KCNQ1: variants seen among roughly 807,000 people sequenced by gnomAD.
KCNQ1 encodes the protein potassium voltage-gated channel subfamily KQT member 1.
In KCNQ1, 49 loss-of-function variants were observed where a neutral mutation model predicts 72.4. That is an observed-to-expected ratio of 0.68 (90% confidence interval 0.54 to 0.86). The LOEUF (loss-of-function observed/expected upper bound fraction) is 0.86, where lower values mean the gene tolerates loss of function less well. Among genes scored for constraint, KCNQ1 ranks in the 40% least tolerant of loss-of-function variants. KCNQ1 has a pLI of 0.00. For missense variants in KCNQ1, 790 were observed against 945.1 expected (o/e 0.84, Z 2.15); for synonymous variants, 450 against 412.6 (o/e 1.09, Z -1.10).
chr11:2,744,868 C>G (rs1846113685), intron 11 of KCNQ1, among the ~76,000 whole-genome samples: 1 of 152,090 alleles, frequency 6.6e-6, no homozygotes, highest in South Asian at 2.1e-4. Flanking sequence ...GGAGTGACTC[C>G]CCTTCCCCAC....
chr11:2,705,114 C>T (rs1482256127), intron 11 of KCNQ1, among the ~76,000 whole-genome samples: 1 of 152,180 alleles, frequency 6.6e-6, no homozygotes, highest in Non-Finnish European at 1.5e-5. Context: ...AGTCTCAGCC[C>T]CCATGCAAGA....
At chr11:2,551,700 C>CG (rs1319170194) in intron 2 of KCNQ1, among the ~76,000 whole-genome samples, 1 of 152,198 alleles carries the variant, frequency 6.6e-6, no homozygotes, top group African/African-American at 2.4e-5. Context: ...ATGGTAGGCC[C>CG]GTTTTCCACT....
At chr11:2,580,464 C>T (rs550283872) in intron 6 of KCNQ1, among the ~76,000 whole-genome samples, 9 of 152,304 alleles carry the variant, frequency 5.9e-5, no homozygotes, top group East Asian at 1.9e-4. Flanking sequence ...CAAATATTAT[C>T]GAAAGAAAAA....
rs1482066926 is a variant in KCNQ1, at chr11:2,809,005, A to G, written c.1794+30968A>G. Among the ~76,000 whole-genome samples, 4 of 114,036 alleles carry G rather than the reference A, an allele frequency of 3.5e-5. No homozygotes were observed. The highest frequency in any genetic ancestry group is 6.7e-5 in the Non-Finnish European group (4 of 59,496). The allele number at this position is 114,036 out of a possible 152,430, so 74.8% of individuals were successfully genotyped here. On this transcript the variant is annotated intron_variant, in intron 15 of 15. Coordinates refer to ENST00000155840, the MANE Select transcript of KCNQ1 (RefSeq NM_000218.3). The surrounding 1 kb of genome is among the most constrained non-coding windows in gnomAD (Gnocchi z 7.1). ...CAGAGATGGAGGGAGGGAGGGAAGG[A>G]GGGATGGATAAATGGAGGAATGGAG...
At chr11:2,706,954 C>G (rs1045153550) in intron 11 of KCNQ1, among the ~76,000 whole-genome samples, 10 of 152,064 alleles carry the variant, frequency 6.6e-5, no homozygotes, top group Non-Finnish European at 1.0e-4. Flanking sequence ...GAGAAACTGA[C>G]AGTTGGAATG....
rs1848252581 is a variant in KCNQ1, at chr11:2,566,687, T to C, written c.478-3941T>C. On this transcript the variant is annotated intron_variant, in intron 2 of 15. Coordinates refer to ENST00000155840, the MANE Select transcript of KCNQ1 (RefSeq NM_000218.3). This position sits in a 1 kb window ranked among gnomAD's most constrained non-coding sequence, Gnocchi z 6.7. ...TCTCAGTGGAGACCAAGGACGGCTC[T>C]TCTTCTCGTATCTACGGGGCAGAGC... Among the ~76,000 whole-genome samples the C allele has an allele frequency of 6.6e-6, 1 of 152,118 alleles. No homozygotes were observed. Among genetic ancestry groups the C allele is most frequent in the South Asian group, 2.1e-4 (1 of 4,830 alleles).
chr11:2,681,835 C>A, intron 11 of KCNQ1: 1 of 398,532 alleles, frequency 2.5e-6, no homozygotes, highest in Non-Finnish European at 4.4e-6. Context: ...ATCCATGCTC[C>A]CCAAACATCA....
At position 2,448,658 on chromosome 11, in the gene KCNQ1, C is replaced by G. The variant is rs1200833273; in HGVS notation, c.386+3174C>G. Among the ~76,000 whole-genome samples, 5 of 152,348 alleles carry G rather than the reference C, an allele frequency of 3.3e-5. No homozygotes were observed. The South Asian group carries it at 1.0e-3, about 32-fold the overall frequency. On this transcript the variant is annotated intron_variant, in intron 1 of 15. Transcript: ENST00000155840. ...GACGGGGCTCTCTGAGCCATCAGGT[C>G]TCTTTCTCTCCATCTTCTTTAAGAT... is the stretch of plus-strand genomic sequence containing the variant.
At chr11:2,616,809 C>A in intron 10 of KCNQ1, 1 of 398,230 alleles carries the variant, frequency 2.5e-6, no homozygotes, top group South Asian at 1.3e-4. Flanking sequence ...CCTAACATAT[C>A]ATCCCTCCTA....
chr11:2,797,052 G>A (rs1434174828), intron 15 of KCNQ1, among the ~76,000 whole-genome samples: 4 of 152,192 alleles, frequency 2.6e-5, no homozygotes, highest in East Asian at 1.9e-4. Flanking sequence ...CCGTCCCCAC[G>A]GGGCCACAAC....
Position 2,486,719 on chromosome 11 carries a change from G to C in KCNQ1, c.387-41209G>C, listed in dbSNP as rs150951455. Among the ~76,000 whole-genome samples the C allele has an allele frequency of 2.8e-3, 423 of 152,302 alleles. 3 individuals are homozygous for C. The highest frequency in any genetic ancestry group is 9.8e-3 in the African/African-American group (406 of 41,550). On this transcript the variant is annotated intron_variant, in intron 1 of 15. Transcript: ENST00000155840. This position sits in a 1 kb window ranked among gnomAD's most constrained non-coding sequence, Gnocchi z 5.0. Reference sequence around the variant, plus strand: ...CCAATCACGGCAGAAGGTGAAGCGGGAGTAGGTGTCTCATATGATGAGACA... The same window carrying C: ...CCAATCACGGCAGAAGGTGAAGCGGCAGTAGGTGTCTCATATGATGAGACA...
At chr11:2,583,388 G>A (rs763502144) in intron 6 of KCNQ1, 47 bp from the exon 7 acceptor site, 5 of 1,393,864 alleles carry the variant, frequency 3.6e-6, no homozygotes, top group Middle Eastern at 1.8e-4. Context: ...TGGCCCTCCC[G>A]AGGCTCCAGT....
rs1430069923 is a variant in KCNQ1, at chr11:2,612,467, T to C, written c.1393+23613T>C. 1.5e-5 allele frequency: 6 copies of C among 398,512 alleles called. No homozygotes were observed. In the East Asian group the frequency reaches 1.8e-4, roughly 12 times the overall value. The allele number at this position is 398,512 out of a possible 1,614,324, so 24.7% of individuals were successfully genotyped here. A position where few individuals can be genotyped will look rare whatever the true frequency, so the allele number is the denominator to read the frequency against. On this transcript the variant is annotated intron_variant, in intron 10 of 15. Coordinates refer to ENST00000155840, the MANE Select transcript of KCNQ1 (RefSeq NM_000218.3). This position sits in a 1 kb window ranked among gnomAD's most constrained non-coding sequence, Gnocchi z 5.5. ...TCTTTCTATTCTTCAGTCTGAATCA[T>C]CTTTATGGATCTGCGTTGAAGTTCA...
At chr11:2,582,730 G>T (rs1589964754) in intron 6 of KCNQ1, among the ~76,000 whole-genome samples, 1 of 152,186 alleles carries the variant, frequency 6.6e-6, no homozygotes, top group South Asian at 2.1e-4. Flanking sequence ...AGCTCCTGAA[G>T]AACCCAGCAG....
Position 2,447,562 on chromosome 11 carries a change from T to G in KCNQ1, c.386+2078T>G, listed in dbSNP as rs988931540. On this transcript the variant is annotated intron_variant, in intron 1 of 15. Coordinates refer to ENST00000155840, the MANE Select transcript of KCNQ1 (RefSeq NM_000218.3). The surrounding 1 kb of genome is among the most constrained non-coding windows in gnomAD (Gnocchi z 7.6). Reference sequence around the variant, plus strand: ...TGCCCTAGGAGGTTGGCAGGACCAGTCTCTTGAGGGGAGACCTGGTCATAG... The same window carrying G: ...TGCCCTAGGAGGTTGGCAGGACCAGGCTCTTGAGGGGAGACCTGGTCATAG... 7.9e-5 allele frequency among the ~76,000 whole-genome samples: 12 copies of G among 152,062 alleles called. No homozygotes were observed. The highest frequency in any genetic ancestry group is 2.9e-4 in the African/African-American group (12 of 41,474).
In KCNQ1 at chr11:2,668,482, CCATGATGGTGAATGT is replaced by C; in HGVS notation, c.1514+6403_1514+6417del. Reference sequence around the variant, plus strand: ...GCATTTTCCGTCGTTTCCTTTTCAGCCATGATGGTGAATGTCTAGCAGCATCAAATGGTGATTTTA... The same window carrying C: ...GCATTTTCCGTCGTTTCCTTTTCAGCCTAGCAGCATCAAATGGTGATTTTA... On this transcript the variant is annotated intron_variant, in intron 11 of 15. Coordinates refer to ENST00000155840, the MANE Select transcript of KCNQ1 (RefSeq NM_000218.3). The surrounding 1 kb of genome is among the most constrained non-coding windows in gnomAD (Gnocchi z 4.3). The C allele has an allele frequency of 2.5e-6, 1 of 398,604 alleles. No homozygotes were observed. Among genetic ancestry groups the C allele is most frequent in the Non-Finnish European group, 4.4e-6 (1 of 226,066 alleles). The allele number at this position is 398,604 out of a possible 1,614,324, so 24.7% of individuals were successfully genotyped here. A position where few individuals can be genotyped will look rare whatever the true frequency, so the allele number is the denominator to read the frequency against.
chr11:2,709,397 C>T (rs1850967387), intron 11 of KCNQ1, among the ~76,000 whole-genome samples: 1 of 150,706 alleles, frequency 6.6e-6, no homozygotes, highest in African/African-American at 2.5e-5. Flanking sequence ...GGTGTCTGCT[C>T]TGGTGCTACG....
Position 2,664,875 on chromosome 11 carries a change from A to G in KCNQ1, c.1514+2794A>G, listed in dbSNP as rs1314731675. On this transcript the variant is annotated intron_variant, in intron 11 of 15. Transcript: ENST00000155840. The surrounding 1 kb of genome is among the most constrained non-coding windows in gnomAD (Gnocchi z 5.1). ...GGCCAGTTCCAGAATTCAAATTAAA[A>G]ACATAAATAAAGACACATTTTGTTT... 6 of 398,566 alleles carry G rather than the reference A, an allele frequency of 1.5e-5. No individual in the cohort carries two copies. The highest frequency in any genetic ancestry group is 2.7e-5 in the Non-Finnish European group (6 of 226,094). The allele number at this position is 398,566 out of a possible 1,614,324, so 24.7% of individuals were successfully genotyped here.
chr11:2,476,077 T>C (rs1458878301), intron 1 of KCNQ1, among the ~76,000 whole-genome samples: 2 of 152,210 alleles, frequency 1.3e-5, no homozygotes, highest in Non-Finnish European at 2.9e-5. Context: ...CTCTGGTAGA[T>C]CAAGAAAACA....
Sources: allele counts gnomAD v4.1 joint callset (sites outside exome capture counted in the v4.1 genomes callset), GRCh38; gene constraint gnomAD v4.1.1; non-coding constraint Gnocchi (gnomAD v3.1); transcripts MANE v1.5; gene names NCBI Gene and HGNC (gene_info 2026-07-23, HGNC 2026-07-21).